The following LPP variants were observed in gnomAD, a reference collection of about 807,000 sequenced individuals.
LPP encodes the protein LIM domain containing preferred translocation partner in lipoma.
LPP carries 38 observed loss-of-function variants against 60.4 expected under a neutral mutation model. The observed-to-expected ratio is 0.63, with a 90% CI of 0.49 to 0.83. The LOEUF is 0.83. Ranked by LOEUF, LPP falls within the 40% of genes least tolerant of loss-of-function variation. LPP has a pLI of 0.00. For synonymous variants in LPP, 328 were observed against 290.8 expected (o/e 1.13, Z -1.30); for missense variants, 902 against 783.6 (o/e 1.15, Z -1.80).
intron 5 of LPP, among the ~76,000 whole-genome samples, chr3:188,507,735 A>T (rs1326049018): frequency 3.3e-5 from 5 of 152,174 alleles, no homozygotes; most frequent in Admixed American, 2.6e-4. Context: ...TTAGTGGGGA[A>T]CTTGGCCAAC....
At chr3:188,269,649 G>A (rs375380405) in intron 2 of LPP, among the ~76,000 whole-genome samples, 167 of 113,218 alleles carry the variant, frequency 1.5e-3, no homozygotes, top group Non-Finnish European at 1.1e-3. Context: ...TTTTTTATGT[G>A]TGTGTGTGTG....
intron 9 of LPP, among the ~76,000 whole-genome samples, chr3:188,838,439 G>A (rs1759043311): frequency 6.6e-6 from 1 of 152,088 alleles, no homozygotes; most frequent in Non-Finnish European, 1.5e-5. Context: ...ATTATAAAAA[G>A]GTATGGCTTA....
At chr3:188,696,151 G>C (rs545356551) in intron 7 of LPP, among the ~76,000 whole-genome samples, 3 of 152,180 alleles carry the variant, frequency 2.0e-5, no homozygotes, top group Non-Finnish European at 4.4e-5. Context: ...TGATAGAGTA[G>C]AATGCCACCT....
rs144470772 is a variant in LPP at position 188,492,596 on chromosome 3, T to C, written c.306+7892T>C. ...CTGTAATCCCAGCTACTCCAGAGGC[T>C]GATGCAGGAGAATTGCTTGAACCCA... On this transcript the variant is annotated intron_variant, in intron 5 of 11. Transcript: ENST00000617246. Among the ~76,000 whole-genome samples the C allele has an allele frequency of 4.5e-3, 686 of 152,246 alleles. 10 individuals are homozygous for C. The highest frequency in any genetic ancestry group is 0.016 in the African/African-American group (651 of 41,550).
At chr3:188,655,020 A>G (rs1560016688) in intron 7 of LPP, among the ~76,000 whole-genome samples, 1 of 152,250 alleles carries the variant, frequency 6.6e-6, no homozygotes. Context: ...TGTAATATGC[A>G]TGTAAAATAA....
At chr3:188,777,667 TC>T (rs972147975) in intron 9 of LPP, among the ~76,000 whole-genome samples, 1 of 152,118 alleles carries the variant, frequency 6.6e-6, no homozygotes, top group Non-Finnish European at 1.5e-5. Context: ...TCTCTCTGCA[TC>T]CCCCGAGGCT....
intron 3 of LPP, among the ~76,000 whole-genome samples, chr3:188,389,917 A>T (rs1018175125): frequency 2.0e-5 from 3 of 152,026 alleles, no homozygotes; most frequent in Non-Finnish European, 4.4e-5. Context: ...TGTGGGTGAG[A>T]TCTGCCTTTG....
intron 8 of LPP, among the ~76,000 whole-genome samples, chr3:188,734,234 G>A (rs1721693965): frequency 1.3e-5 from 2 of 151,932 alleles, no homozygotes; most frequent in African/African-American, 4.8e-5. Context: ...TTATCATAAA[G>A]GTGTTATAAT....
At chr3:188,301,649 A>T (rs116875547) in intron 2 of LPP, among the ~76,000 whole-genome samples, 2,968 of 151,890 alleles carry the variant, frequency 0.02, 69 homozygotes, top group East Asian at 0.11. Flanking sequence ...AAATTTATTG[A>T]TTTTATTTAT....
chr3:188,387,585 G>A (rs1778638681), intron 3 of LPP, among the ~76,000 whole-genome samples: 1 of 101,664 alleles, frequency 9.8e-6, no homozygotes, highest in South Asian at 3.1e-4. Context: ...TTTTTTTTTT[G>A]AGGCAGAGTC....
rs541712919 is a variant in LPP at position 188,585,241 on chromosome 3, G to A, written c.430-23920G>A. 4.1e-4 allele frequency among the ~76,000 whole-genome samples: 62 copies of A among 152,320 alleles called. No individual in the cohort carries two copies. In the South Asian group the frequency reaches 0.012, roughly 30 times the overall value. On this transcript the variant is annotated intron_variant, in intron 6 of 11. Transcript: ENST00000617246. Reference sequence around the variant, plus strand: ...GAACTTATTAAGCTTGTTGCCTTTAGCATGTCAATGCCTTGTTTTTATAAG... The same window carrying A: ...GAACTTATTAAGCTTGTTGCCTTTAACATGTCAATGCCTTGTTTTTATAAG...
chr3:188,295,663 G>A (rs1747627777), intron 2 of LPP, among the ~76,000 whole-genome samples: 1 of 151,916 alleles, frequency 6.6e-6, no homozygotes, highest in Admixed American at 6.6e-5. Context: ...TCAGCCTCCC[G>A]AGTAACCTGG....
intron 1 of LPP, among the ~76,000 whole-genome samples, chr3:188,204,392 A>T (rs1463866568): frequency 6.6e-6 from 1 of 152,202 alleles, no homozygotes. Context: ...CATCTTTAGG[A>T]TGTGCCGGGA....
chr3:188,504,930 A>G (rs1813016222), intron 5 of LPP, among the ~76,000 whole-genome samples: 1 of 152,212 alleles, frequency 6.6e-6, no homozygotes, highest in Non-Finnish European at 1.5e-5. Flanking sequence ...TTCAGTCCAC[A>G]GATCCTTGAT....
intron 2 of LPP, among the ~76,000 whole-genome samples, chr3:188,292,251 A>G (rs1302902826): frequency 6.6e-6 from 1 of 152,240 alleles, no homozygotes; most frequent in East Asian, 1.9e-4. Flanking sequence ...GAGCACTTCT[A>G]CTGATGTACA....
chr3:188,240,376 T>TGAGAGA (rs1553827496), intron 2 of LPP, among the ~76,000 whole-genome samples: 1 of 143,230 alleles, frequency 7.0e-6, no homozygotes, highest in African/African-American at 2.7e-5. Flanking sequence ...TGTGTGTGTG[T>TGAGAGA]GAGAGAGAGA....
intron 4 of LPP, among the ~76,000 whole-genome samples, chr3:188,442,124 A>G (rs1476379864): frequency 6.6e-6 from 1 of 152,090 alleles, no homozygotes; most frequent in Non-Finnish European, 1.5e-5. Context: ...ACTTTTATTT[A>G]TTTATTTTTA....
intron 2 of LPP, among the ~76,000 whole-genome samples, chr3:188,291,891 G>A (rs1214938579): frequency 6.6e-6 from 1 of 152,052 alleles, no homozygotes; most frequent in Admixed American, 6.5e-5. Context: ...TGACTCTAGG[G>A]TGCTTTCTGC....
At chr3:188,174,488 G>A (rs1033450022) in intron 1 of LPP, among the ~76,000 whole-genome samples, 1 of 152,248 alleles carries the variant, frequency 6.6e-6, no homozygotes, top group Admixed American at 6.5e-5. Flanking sequence ...GGAAGGCACA[G>A]CATGCTGGGT....
Sources: gnomAD v4.1 joint callset for allele counts (sites outside exome capture counted in the v4.1 genomes callset) on GRCh38, gnomAD v4.1.1 for gene constraint, MANE v1.5 for transcripts, NCBI Gene and HGNC (gene_info 2026-07-23, HGNC 2026-07-21) for gene names.